Variants in TENM4 observed in about 807,000 individuals in gnomAD.
TENM4 encodes teneurin transmembrane protein 4.
A neutral mutation model predicts 243.3 loss-of-function variants in TENM4; 82 were observed. The ratio of observed to expected loss-of-function variants is 0.34; its 90% confidence interval spans 0.28 to 0.40. The LOEUF (loss-of-function observed/expected upper bound fraction) is 0.40, where lower values mean the gene tolerates loss of function less well. Ranked by LOEUF, TENM4 falls within the 10% of genes least tolerant of loss-of-function variation. The probability of loss-of-function intolerance (pLI) is 1.00; values close to 1 mark genes in which losing one functional copy is unlikely to be tolerated. For synonymous variants in TENM4, 1,412 were observed against 1,456.3 expected (o/e 0.97, Z 0.69); for missense variants, 3,138 against 3,673.3 (o/e 0.85, Z 3.77).
intron 6 of TENM4, among the ~76,000 whole-genome samples, chr11:79,006,380 T>C (rs114017380): frequency 0.026 from 3,899 of 152,274 alleles, 190 homozygotes; most frequent in African/African-American, 0.087. Flanking sequence ...CATAATAGGA[T>C]AGCTATGATA....
intron 6 of TENM4, among the ~76,000 whole-genome samples, chr11:79,058,964 ATT>A (rs1860016104): frequency 6.6e-6 from 1 of 152,198 alleles, no homozygotes; most frequent in Admixed American, 6.5e-5. Flanking sequence ...ATTCTTATAG[ATT>A]TTTAAAACCA....
intron 1 of TENM4, among the ~76,000 whole-genome samples, chr11:79,409,113 CGT>C (rs1206198379): frequency 1.2e-4 from 16 of 138,860 alleles, no homozygotes; most frequent in East Asian, 2.1e-4. Flanking sequence ...CGCGCGCGCG[CGT>C]GCGTGCACGC....
intron 12 of TENM4, among the ~76,000 whole-genome samples, chr11:78,853,345 T>C (rs1858589731): frequency 6.6e-6 from 1 of 152,164 alleles, no homozygotes; most frequent in Non-Finnish European, 1.5e-5. Context: ...ATTAGGGCAG[T>C]CTAAGAAGCA....
At position 79,262,429 on chromosome 11, in the gene TENM4, G is replaced by T. The variant is rs932710698; in HGVS notation, c.-265+35059C>A. On this transcript the variant is annotated intron_variant, in intron 2 of 33. Coordinates refer to ENST00000278550, the MANE Select transcript of TENM4 (RefSeq NM_001098816.3). ...AAAAACATCTGGCTCAGGGTAGGGAGCCCCAAAGGAAGTGGACGCCAGTCT... is the reference window on the plus strand; with the variant it reads ...AAAAACATCTGGCTCAGGGTAGGGATCCCCAAAGGAAGTGGACGCCAGTCT... Among the ~76,000 whole-genome samples the T allele has an allele frequency of 4.6e-5, 7 of 152,172 alleles. No individual in the cohort carries two copies. The East Asian group carries it at 1.3e-3, about 29-fold the overall frequency.
chr11:78,839,921 C>T (rs1321940523), intron 12 of TENM4, among the ~76,000 whole-genome samples: 1 of 152,178 alleles, frequency 6.6e-6, no homozygotes, highest in Admixed American at 6.5e-5. Context: ...GAACCAGATA[C>T]ACCTGCTGGG....
chr11:79,378,768 A>G (rs1281273886), intron 1 of TENM4, among the ~76,000 whole-genome samples: 1 of 152,018 alleles, frequency 6.6e-6, no homozygotes, highest in East Asian at 1.9e-4. Flanking sequence ...CTGTTGTCCC[A>G]GATACTCAGG....
chr11:78,912,508 G>A (rs771444651), intron 6 of TENM4, among the ~76,000 whole-genome samples: 13 of 152,096 alleles, frequency 8.5e-5, no homozygotes, highest in Non-Finnish European at 1.6e-4. Flanking sequence ...GGCCCGCCTC[G>A]GCCTCCCAAA....
chr11:78,713,633 A>G (rs1475936234), intron 25 of TENM4, among the ~76,000 whole-genome samples: 3 of 152,242 alleles, frequency 2.0e-5, no homozygotes, highest in African/African-American at 7.2e-5. Flanking sequence ...TGTGCAAAAT[A>G]GGGGTGTTAA....
Position 78,713,571 on chromosome 11 carries a change from G to C in TENM4, c.3822-857C>G, listed in dbSNP as rs969699209. Among the ~76,000 whole-genome samples the C allele has an allele frequency of 2.0e-5, 3 of 152,138 alleles. No individual in the cohort carries two copies. The South Asian group carries it at 6.2e-4, about 31-fold the overall frequency. ...CCAAGTCTAGCTCCGTAATTTCCTGGTTCTGAAACTTGGGCAAGTTACCCG... is the reference window on the plus strand; with the variant it reads ...CCAAGTCTAGCTCCGTAATTTCCTGCTTCTGAAACTTGGGCAAGTTACCCG... On this transcript the variant is annotated intron_variant, in intron 25 of 33. Transcript: ENST00000278550.
chr11:78,749,627 T>A (rs1199913728), intron 19 of TENM4, among the ~76,000 whole-genome samples: 1 of 152,172 alleles, frequency 6.6e-6, no homozygotes, highest in Non-Finnish European at 1.5e-5. Flanking sequence ...AGGTTCACAG[T>A]GGGCTGATAA....
At chr11:78,920,731 A>G (rs527331726) in intron 6 of TENM4, among the ~76,000 whole-genome samples, 4 of 152,234 alleles carry the variant, frequency 2.6e-5, no homozygotes, top group East Asian at 1.9e-4. Flanking sequence ...ATATGTGTGT[A>G]TATATATATA....
chr11:79,045,723 CTTT>C (rs34804783), intron 6 of TENM4, among the ~76,000 whole-genome samples: 9 of 146,368 alleles, frequency 6.1e-5, no homozygotes, highest in Non-Finnish European at 4.5e-5. Context: ...TGGATGACGC[CTTT>C]TTTTTTTTTT....
Position 78,929,464 on chromosome 11 carries a change from G to C in TENM4, c.494-25941C>G, listed in dbSNP as rs77092298. 3.7e-3 allele frequency among the ~76,000 whole-genome samples: 569 copies of C among 152,304 alleles called. 4 individuals carry two copies. Among genetic ancestry groups the C allele is most frequent in the African/African-American group, 0.013 (549 of 41,566 alleles). ...CAGAAAAACTCACAGGTTCAGAAGA[G>C]AGACAAGAAGGAGAGAGGGCTAGGG... On this transcript the variant is annotated intron_variant, in intron 6 of 33. Coordinates refer to ENST00000278550, the MANE Select transcript of TENM4 (RefSeq NM_001098816.3).
chr11:78,971,543 C>T (rs1857547334), intron 6 of TENM4, among the ~76,000 whole-genome samples: 1 of 152,058 alleles, frequency 6.6e-6, no homozygotes, highest in African/African-American at 2.4e-5. Flanking sequence ...CCTTATGATC[C>T]ACCCACCTCG....
intron 20 of TENM4, among the ~76,000 whole-genome samples, chr11:78,734,453 A>C (rs1277963767): frequency 6.6e-6 from 1 of 151,246 alleles, no homozygotes; most frequent in African/African-American, 2.4e-5. Flanking sequence ...GTTCTGTTTT[A>C]GGTTAGTTCT....
chr11:79,439,209 A>G (rs1238559225), intron 1 of TENM4: 1 of 148,698 alleles, frequency 6.7e-6, no homozygotes. Flanking sequence ...CTCGTGTGCT[A>G]CAAACACCAA....
At chr11:78,837,903 T>C (rs1274583905) in intron 12 of TENM4, among the ~76,000 whole-genome samples, 1 of 152,238 alleles carries the variant, frequency 6.6e-6, no homozygotes, top group Non-Finnish European at 1.5e-5. Flanking sequence ...TTTTAAACAA[T>C]GCTGTGATAA....
At chr11:78,982,112 G>C (rs1487262126) in intron 6 of TENM4, among the ~76,000 whole-genome samples, 1 of 152,144 alleles carries the variant, frequency 6.6e-6, no homozygotes, top group Non-Finnish European at 1.5e-5. Flanking sequence ...TTTGCAGACT[G>C]CTTGTGGGGC....
chr11:79,085,820 C>A (rs1860798956), intron 4 of TENM4, among the ~76,000 whole-genome samples: 1 of 152,152 alleles, frequency 6.6e-6, no homozygotes, highest in South Asian at 2.1e-4. Flanking sequence ...ACCCATAACC[C>A]CACACTTTAC....
Sources: gnomAD v4.1 joint callset for allele counts (sites outside exome capture counted in the v4.1 genomes callset) on GRCh38, gnomAD v4.1.1 for gene constraint, MANE v1.5 for transcripts, NCBI Gene and HGNC (gene_info 2026-07-23, HGNC 2026-07-21) for gene names.